Variants in PLCH1 observed in about 807,000 individuals in gnomAD.
The protein encoded by PLCH1 is 1-phosphatidylinositol 4,5-bisphosphate phosphodiesterase eta-1.
A neutral mutation model predicts 126.7 loss-of-function variants in PLCH1; 60 were observed. The observed-to-expected ratio is 0.47, with a 90% CI of 0.38 to 0.59. The LOEUF (loss-of-function observed/expected upper bound fraction) is 0.59, where lower values mean the gene tolerates loss of function less well. Ranked by LOEUF, PLCH1 falls within the 20% of genes least tolerant of loss-of-function variation. PLCH1 has a pLI of 0.00. For missense variants in PLCH1, 1,723 were observed against 2,040.0 expected, an observed-to-expected ratio of 0.84 and a Z score of 2.99; for synonymous variants, 719 against 734.9, an observed-to-expected ratio of 0.98 and a Z score of 0.35.
downstream of PLCH1, among the ~76,000 whole-genome samples, chr3:155,479,563 C>G (rs1000297375): frequency 6.6e-6 from 1 of 151,816 alleles, no homozygotes; most frequent in Non-Finnish European, 1.5e-5. Flanking sequence ...CACCCACGAC[C>G]ACCACCACCA....
chr3:155,671,495 T>A (rs1165271833), intron 2 of PLCH1, among the ~76,000 whole-genome samples: 1 of 152,222 alleles, frequency 6.6e-6, no homozygotes, highest in Non-Finnish European at 1.5e-5. Context: ...TTTATTGATA[T>A]TAAACTTTTA....
At chr3:155,468,734 T>C (rs999500187) in intron 21 of PLCH1, among the ~76,000 whole-genome samples, 4 of 152,120 alleles carry the variant, frequency 2.6e-5, no homozygotes, top group Admixed American at 6.5e-5. Context: ...AACATATATG[T>C]TTAAACACTT....
chr3:155,735,030 C>A (rs906016086), intron 1 of PLCH1, among the ~76,000 whole-genome samples: 1 of 152,124 alleles, frequency 6.6e-6, no homozygotes, highest in African/African-American at 2.4e-5. Flanking sequence ...GCATTCTATT[C>A]ACCCTTTAAA....
Position 155,504,257 on chromosome 3 carries a change from AAC to A in PLCH1, c.1704+296_1704+297del, listed in dbSNP as rs1718331681. Among the ~76,000 whole-genome samples, 5 of 152,310 alleles carry A rather than the reference AAC, an allele frequency of 3.3e-5. No homozygotes were observed. In the South Asian group the frequency reaches 1.0e-3, roughly 32 times the overall value. On this transcript the variant is annotated intron_variant, in intron 13 of 22. Coordinates refer to ENST00000460012, the MANE Select transcript of PLCH1 (RefSeq NM_014996.4). Reference sequence around the variant, plus strand: ...ATATAATACACATACCAGTTTTAATAACACATACCCATTATGTATTGGATATG... The same window carrying A: ...ATATAATACACATACCAGTTTTAATAACATACCCATTATGTATTGGATATG...
chr3:155,533,305 G>T (rs1340477532), intron 10 of PLCH1, among the ~76,000 whole-genome samples: 3 of 152,206 alleles, frequency 2.0e-5, no homozygotes, highest in Non-Finnish European at 2.9e-5. Flanking sequence ...CCAGCACTTT[G>T]GGAGGCCAAG....
chr3:155,575,644 A>G (rs534880483), intron 6 of PLCH1, among the ~76,000 whole-genome samples: 4 of 152,300 alleles, frequency 2.6e-5, no homozygotes, highest in African/African-American at 9.6e-5. Context: ...GCTCTTAGAT[A>G]ACAGCTAGCA....
chr3:155,603,242 AT>A (rs1456532081), intron 2 of PLCH1, among the ~76,000 whole-genome samples: 2 of 152,244 alleles, frequency 1.3e-5, no homozygotes, highest in Non-Finnish European at 2.9e-5. Flanking sequence ...GCTTCCACAG[AT>A]TAGAGTAAAT....
At chr3:155,560,889 T>C (rs1348979605) in intron 8 of PLCH1, among the ~76,000 whole-genome samples, 2 of 152,154 alleles carry the variant, frequency 1.3e-5, no homozygotes, top group East Asian at 3.9e-4. Flanking sequence ...CTCAACCTCC[T>C]TACCCTGGCT....
chr3:155,481,390 G>C lies in PLCH1; in HGVS notation c.4636C>G (p.Gln1546Glu). 6.2e-7 allele frequency: 1 copy of C among 1,614,192 alleles called. No individual in the cohort carries two copies. Among genetic ancestry groups the C allele is most frequent in the Non-Finnish European group, 8.5e-7 (1 of 1,180,032 alleles). Reference sequence around the variant, plus strand: ...TATAGCACTTGGCAGTTGTCTTCCTGGTCAAAGGACACAAGCTTCCGAAGC... The same window carrying C: ...TATAGCACTTGGCAGTTGTCTTCCTCGTCAAAGGACACAAGCTTCCGAAGC... ...EQLRKLVSFD[Q>E]EDNCQVLYSK... Residue 1546 changes from glutamine (Q) to glutamate (E), a missense_variant, in exon 23 of 23, where the codon CAG becomes GAG. Physicochemically the swap from Gln to Glu is conservative, Grantham distance 29 (BLOSUM62 2). Transcript: ENST00000460012. The surrounding 1 kb of genome is among the most constrained non-coding windows in gnomAD (Gnocchi z 4.2).
rs566106059 is a variant in PLCH1, at chr3:155,644,798, A to C, written c.80-48420T>G. ...ACAAGTGAAAAATATTAACATCCTG[A>C]TATTCTCCTCTTCTGTTGATAAGAA... On this transcript the variant is annotated intron_variant, in intron 2 of 22. Coordinates refer to ENST00000460012, the MANE Select transcript of PLCH1 (RefSeq NM_014996.4). 9.9e-5 allele frequency among the ~76,000 whole-genome samples: 15 copies of C among 152,260 alleles called. No homozygotes were observed. The East Asian group carries it at 2.1e-3, about 22-fold the overall frequency.
chr3:155,485,335 G>T, intron 22 of PLCH1, 21 bp downstream of exon 22: 2 of 1,515,940 alleles, frequency 1.3e-6, no homozygotes, highest in South Asian at 1.2e-5. Flanking sequence ...TTTATTCTCA[G>T]AGAAACTTAA....
At chr3:155,598,925 G>C (rs1014473870) in intron 2 of PLCH1, among the ~76,000 whole-genome samples, 3 of 152,048 alleles carry the variant, frequency 2.0e-5, no homozygotes, top group African/African-American at 4.8e-5. Flanking sequence ...TGGGTCTTTT[G>C]AGTGGTAATT....
intron 2 of PLCH1, among the ~76,000 whole-genome samples, chr3:155,659,891 C>G (rs1478960093): frequency 2.0e-5 from 3 of 152,146 alleles, no homozygotes; most frequent in Admixed American, 6.5e-5. Flanking sequence ...CCTTCAGCCT[C>G]CAAAAGCATT....
chr3:155,705,163 C>T lies in PLCH1; in HGVS notation c.-40-899G>A, dbSNP rs180799373. Among the ~76,000 whole-genome samples the T allele has an allele frequency of 4.2e-4, 64 of 152,312 alleles. 1 individual carries two copies. The highest frequency in any genetic ancestry group is 5.7e-4 in the Non-Finnish European group (39 of 68,016). On this transcript the variant is annotated intron_variant, in intron 1 of 22. Coordinates refer to ENST00000460012, the MANE Select transcript of PLCH1 (RefSeq NM_014996.4). Reference sequence around the variant, plus strand: ...CAATTTGTCATCTCTCCTACTAAAACCACCTAGAATTTTGTAAACGTATCC... The same window carrying T: ...CAATTTGTCATCTCTCCTACTAAAATCACCTAGAATTTTGTAAACGTATCC...
intron 2 of PLCH1, among the ~76,000 whole-genome samples, chr3:155,631,166 G>C (rs899524070): frequency 6.6e-5 from 10 of 151,988 alleles, no homozygotes; most frequent in African/African-American, 2.4e-4. Flanking sequence ...CAAAATTCTC[G>C]GTATTTTGGT....
chr3:155,691,810 C>T (rs1444240923), intron 2 of PLCH1, among the ~76,000 whole-genome samples: 32 of 152,130 alleles, frequency 2.1e-4, no homozygotes, highest in Admixed American at 2.0e-3. Flanking sequence ...GTGTAGTTCT[C>T]ATCATAGATT....
intron 1 of PLCH1, among the ~76,000 whole-genome samples, chr3:155,721,594 A>G (rs535734386): frequency 1.4e-4 from 21 of 152,312 alleles, no homozygotes; most frequent in Non-Finnish European, 2.6e-4. Context: ...TATCAGTTAT[A>G]GGAGCTTTTT....
At position 155,714,124 on chromosome 3, in the gene PLCH1, C is replaced by T. The variant is rs1397015113; in HGVS notation, c.-40-9860G>A. 2.0e-5 allele frequency among the ~76,000 whole-genome samples: 3 copies of T among 152,304 alleles called. No individual in the cohort carries two copies. The East Asian group carries it at 5.8e-4, about 29-fold the overall frequency. The stretch of plus-strand genomic sequence containing the variant: ...TCAAAACTATATCCTGTACTTCGGC[C>T]TCTGACATAACGTATGTTTGGGAAT... On this transcript the variant is annotated intron_variant, in intron 1 of 22. Coordinates refer to ENST00000460012, the MANE Select transcript of PLCH1 (RefSeq NM_014996.4).
chr3:155,645,835 G>A (rs1488277988), intron 2 of PLCH1, among the ~76,000 whole-genome samples: 1 of 152,154 alleles, frequency 6.6e-6, no homozygotes, highest in Admixed American at 6.5e-5. Context: ...CCAGTCAGGA[G>A]GTAAAGGGAA....
Sources: gnomAD v4.1 joint callset for allele counts (sites outside exome capture counted in the v4.1 genomes callset) on GRCh38, gnomAD v4.1.1 for gene constraint, Gnocchi (gnomAD v3.1) non-coding constraint, MANE v1.5 for transcripts, NCBI Gene and HGNC (gene_info 2026-07-23, HGNC 2026-07-21) for gene names.